The following EHMT1 variants were observed in gnomAD, a reference collection of about 807,000 sequenced individuals.
EHMT1 encodes the protein histone-lysine N-methyltransferase EHMT1.
Under a neutral mutation model 147.2 loss-of-function variants are expected in EHMT1, and 15 were observed. The ratio of observed to expected loss-of-function variants is 0.10; its 90% CI spans 0.07 to 0.16. The LOEUF (loss-of-function observed/expected upper bound fraction) is 0.16. Among genes scored for constraint, EHMT1 ranks in the 10% least tolerant of loss-of-function variants. The pLI, the probability that EHMT1 is intolerant of heterozygous loss-of-function variation, is 1.00. For synonymous variants in EHMT1, 795 were observed against 709.6 expected (o/e 1.12, Z -1.91); for missense variants, 1,587 against 1,772.4 (o/e 0.90, Z 1.88).
intron 7 of EHMT1, among the ~76,000 whole-genome samples, 196 bp downstream of exon 7, chr9:137,752,604 A>AGCGCAGGGCTGGGCCTG (rs1365399063): frequency 2.3e-4 from 35 of 152,214 alleles, no homozygotes; most frequent in Non-Finnish European, 4.1e-4. Flanking sequence ...GCAGAGTTGC[A>AGCGCAGGGCTGGGCCTG]GCGCAGGGCT....
intron 3 of EHMT1, among the ~76,000 whole-genome samples, chr9:137,718,706 T>G (rs1300242697): frequency 6.6e-6 from 1 of 152,070 alleles, no homozygotes; most frequent in Non-Finnish European, 1.5e-5. Flanking sequence ...TGACATAAAT[T>G]TTTTTCATGC....
At position 137,835,128 on chromosome 9, in the gene EHMT1, C is replaced by T. The variant is rs1956509479; in HGVS notation, c.*175C>T. ...CCTGCGGGCGGGTGTGGATGCCTCC[C>T]AGCCACCTTCCCAGACCTGCGGCCT... On this transcript the variant is annotated 3_prime_UTR_variant, in exon 27 of 27. Transcript: ENST00000460843. The T allele has an allele frequency of 2.9e-6, 2 of 696,206 alleles. No individual in the cohort carries two copies. Among genetic ancestry groups the T allele is most frequent in the South Asian group, 3.0e-5 (1 of 33,240 alleles). The allele number at this position is 696,206 out of a possible 1,614,324, so 43.1% of individuals were successfully genotyped here.
At chr9:137,652,411 G>A (rs1589125237) in intron 1 of EHMT1, among the ~76,000 whole-genome samples, 1 of 150,892 alleles carries the variant, frequency 6.6e-6, no homozygotes, top group East Asian at 2.0e-4. Flanking sequence ...TTTTGAGACG[G>A]AGTCTCACTC....
intron 10 of EHMT1, chr9:137,764,249 C>G (rs1325043626): frequency 2.0e-5 from 3 of 152,492 alleles, no homozygotes; most frequent in African/African-American, 7.2e-5. Context: ...ACTGGCGTTG[C>G]TTTTGTCTCA....
rs1181172256 is a variant in EHMT1 at position 137,717,159 on chromosome 9, A to G, written c.619A>G (p.Met207Val). The stretch of plus-strand genomic sequence containing the variant: ...CAAGGTCCACAGGGCACGCAAGACC[A>G]TGCCGAAGTCCGTCGTGGGCCTGGT... Reference protein sequence around the residue: ...DVKVHRARKTMPKSVVGLHAA... With the variant: ...DVKVHRARKTVPKSVVGLHAA... Residue 207 changes from methionine (M) to valine (V), a missense_variant, in exon 3 of 27, where the codon ATG becomes GTG. Physicochemically the swap from Met to Val is conservative, Grantham distance 21. This residue lies in a region of EHMT1 where 810 missense variants were observed against 673.0 expected (regional missense o/e 1.20). Coordinates refer to ENST00000460843, the MANE Select transcript of EHMT1 (RefSeq NM_024757.5). 3 of 1,612,448 alleles carry G rather than the reference A, an allele frequency of 1.9e-6. No homozygotes were observed. Among genetic ancestry groups the G allele is most frequent in the Admixed American group, 1.7e-5 (1 of 60,012 alleles).
chr9:137,821,692 A>C (rs767979341), intron 25 of EHMT1, among the ~76,000 whole-genome samples: 3 of 152,138 alleles, frequency 2.0e-5, no homozygotes, highest in Non-Finnish European at 4.4e-5. Flanking sequence ...AGTCAGCTTA[A>C]CAAGTTCTAC....
chr9:137,673,573 G>A (rs987002275), intron 1 of EHMT1, among the ~76,000 whole-genome samples: 1 of 152,144 alleles, frequency 6.6e-6, no homozygotes, highest in Non-Finnish European at 1.5e-5. Flanking sequence ...GGTCATGTCT[G>A]TGTCCCTCCC....
At chr9:137,710,879 C>A in intron 1 of EHMT1, 88 bp from the exon 2 acceptor site, 1 of 1,452,148 alleles carries the variant, frequency 6.9e-7, no homozygotes, top group Non-Finnish European at 9.4e-7. Context: ...GTTGTAACTA[C>A]GATTTTTTGA....
intron 16 of EHMT1, 69 bp downstream of exon 16, chr9:137,791,039 A>G: frequency 6.2e-7 from 1 of 1,613,094 alleles, no homozygotes; most frequent in Non-Finnish European, 8.5e-7. Context: ...TGAGCAAGGG[A>G]CATCCTTACT....
chr9:137,694,893 T>C (rs964994582), intron 1 of EHMT1, among the ~76,000 whole-genome samples: 3 of 152,152 alleles, frequency 2.0e-5, no homozygotes, highest in Non-Finnish European at 4.4e-5. Context: ...TTGAAGGAGA[T>C]GGTAGATAAA....
At chr9:137,812,494 C>A (rs57257636) in intron 19 of EHMT1, among the ~76,000 whole-genome samples, 2 of 152,166 alleles carry the variant, frequency 1.3e-5, no homozygotes, top group African/African-American at 4.8e-5. Context: ...TCCAGTGACT[C>A]CCTGGCCCCT....
intron 6 of EHMT1, among the ~76,000 whole-genome samples, chr9:137,750,263 C>CTG (rs10661721): frequency 0.48 from 72,877 of 151,966 alleles, 20,896 homozygotes; most frequent in African/African-American, 0.8. Context: ...AAGATTTTCT[C>CTG]TAGAAAATTT....
At chr9:137,721,125 C>G (rs144468245) in intron 3 of EHMT1, among the ~76,000 whole-genome samples, 3 of 145,748 alleles carry the variant, frequency 2.1e-5, no homozygotes, top group African/African-American at 8.3e-5. Context: ...TGATGGGGAG[C>G]ATCCTCTCCC....
Position 137,728,443 on chromosome 9 carries a change from G to C in EHMT1, c.737G>C (p.Arg246Pro), listed in dbSNP as rs144871446. 20 of 1,614,028 alleles carry C rather than the reference G, an allele frequency of 1.2e-5. No individual in the cohort carries two copies. The highest frequency in any genetic ancestry group is 1.7e-5 in the Non-Finnish European group (20 of 1,180,038). Residue 246 changes from arginine (R) to proline (P), a missense_variant, in exon 4 of 27, where the codon CGA becomes CCA. Physicochemically the swap from Arg to Pro is moderately radical, Grantham distance 103. Transcript: ENST00000460843. ...AACAAAAACATTTCTGACTTTGGAC[G>C]ACAGCAGCTTTTACCCCCCTTCCCA... ...EINKNISDFG[R>P]QQLLPPFPSL...
intron 1 of EHMT1, among the ~76,000 whole-genome samples, chr9:137,681,760 C>G (rs529541996): frequency 1.4e-4 from 22 of 152,144 alleles, no homozygotes; most frequent in African/African-American, 5.3e-4. Flanking sequence ...CTGCTTTTCC[C>G]TCCTGTATTT....
At chr9:137,752,672 G>C (rs555371598) in intron 7 of EHMT1, among the ~76,000 whole-genome samples, 38 of 152,352 alleles carry the variant, frequency 2.5e-4, no homozygotes, top group African/African-American at 8.7e-4. Flanking sequence ...TGAGTGGCCT[G>C]TGGAGGTTCT....
In EHMT1 at chr9:137,632,828, A is replaced by C. The variant is rs116331583; in HGVS notation, c.21+13779A>C. On this transcript the variant is annotated intron_variant, in intron 1 of 26. Transcript: ENST00000460843. Reference sequence around the variant, plus strand: ...ATAGCATCACACGGGGCAGGTTGCTAACCTAGGTGGGCTGATGGAGCTGTG... The same window carrying C: ...ATAGCATCACACGGGGCAGGTTGCTCACCTAGGTGGGCTGATGGAGCTGTG... Among the ~76,000 whole-genome samples the C allele has an allele frequency of 9.9e-3, 1,510 of 152,294 alleles. 31 individuals are homozygous for C. The highest frequency in any genetic ancestry group is 0.033 in the African/African-American group (1,387 of 41,566).
chr9:137,656,473 G>T (rs541926309), intron 1 of EHMT1, among the ~76,000 whole-genome samples: 3 of 152,336 alleles, frequency 2.0e-5, no homozygotes, highest in Non-Finnish European at 4.4e-5. Flanking sequence ...CTTAGATTTC[G>T]AAGTTTCCTG....
chr9:137,709,375 G>GGCTGT, intron 1 of EHMT1, among the ~76,000 whole-genome samples: 1 of 152,328 alleles, frequency 6.6e-6, no homozygotes, highest in Admixed American at 6.5e-5. Context: ...GGGAGATCAG[G>GGCTGT]GGGTGGGAGG....
Sources: allele counts gnomAD v4.1 joint callset (sites outside exome capture counted in the v4.1 genomes callset), GRCh38; gene constraint gnomAD v4.1.1; regional missense constraint gnomAD v4.1.1; transcripts MANE v1.5; gene names NCBI Gene and HGNC (gene_info 2026-07-23, HGNC 2026-07-21).